The following CNTNAP2 variants were observed in gnomAD, a reference collection of about 807,000 sequenced individuals.
The protein encoded by CNTNAP2 is contactin-associated protein-like 2.
In CNTNAP2, 98 loss-of-function variants were observed where a neutral mutation model predicts 155.2. That is an observed-to-expected ratio of 0.63 (90% CI 0.54 to 0.75). The LOEUF is 0.75. Ranked by LOEUF, CNTNAP2 falls within the 30% of genes least tolerant of loss-of-function variation. The pLI, the probability that CNTNAP2 is intolerant of heterozygous loss-of-function variation, is 0.00. For missense variants in CNTNAP2, 1,727 were observed against 1,688.1 expected (o/e 1.02, Z -0.40); for synonymous variants, 651 against 631.2 (o/e 1.03, Z -0.47).
intron 13 of CNTNAP2, among the ~76,000 whole-genome samples, chr7:147,883,520 A>T (rs1799556507): frequency 6.6e-6 from 1 of 152,224 alleles, no homozygotes; most frequent in African/African-American, 2.4e-5. Context: ...CAGATTCTGC[A>T]AATGTATGTT....
At chr7:146,323,649 T>C (rs6464748) in intron 1 of CNTNAP2, among the ~76,000 whole-genome samples, 18,555 of 152,052 alleles carry the variant, frequency 0.12, 3,345 homozygotes, top group African/African-American at 0.39. Context: ...CCATAAATAA[T>C]ATTGTTCAGG....
At chr7:147,110,730 AT>A (rs1800859263) in intron 5 of CNTNAP2, among the ~76,000 whole-genome samples, 1 of 152,208 alleles carries the variant, frequency 6.6e-6, no homozygotes, top group Non-Finnish European at 1.5e-5. Context: ...GCTGCGTAGT[AT>A]TCCATGGTGT....
At chr7:148,263,693 T>C (rs916296690) in intron 20 of CNTNAP2, among the ~76,000 whole-genome samples, 9 of 147,752 alleles carry the variant, frequency 6.1e-5, no homozygotes, top group Admixed American at 3.4e-4. Context: ...ACCGAGATGG[T>C]GCCTCTGCAC....
chr7:147,978,247 T>G, intron 15 of CNTNAP2: 1 of 492,730 alleles, frequency 2.0e-6, no homozygotes, highest in South Asian at 2.0e-5. Context: ...CCTAAGTTTA[T>G]GATGATATTA....
chr7:148,380,937 T>C (rs1637850), intron 21 of CNTNAP2, among the ~76,000 whole-genome samples: 108,712 of 152,046 alleles, frequency 0.71, 40,016 homozygotes, highest in Admixed American at 0.8. Context: ...AGCACGCATG[T>C]GAATGAGGCA....
intron 21 of CNTNAP2, among the ~76,000 whole-genome samples, chr7:148,361,135 G>A (rs79250169): frequency 0.09 from 13,770 of 152,156 alleles, 826 homozygotes; most frequent in Non-Finnish European, 0.13. Context: ...TCTATATCGG[G>A]TCTCATCTTG....
At chr7:147,286,676 T>C (rs1384792952) in intron 8 of CNTNAP2, among the ~76,000 whole-genome samples, 1 of 152,140 alleles carries the variant, frequency 6.6e-6, no homozygotes, top group Non-Finnish European at 1.5e-5. Flanking sequence ...AATGAGTTTT[T>C]CTTGGATCAG....
intron 1 of CNTNAP2, among the ~76,000 whole-genome samples, chr7:146,702,148 A>G (rs1350123809): frequency 6.6e-6 from 1 of 152,188 alleles, no homozygotes; most frequent in Non-Finnish European, 1.5e-5. Context: ...TAGGGACAGC[A>G]CTAAAGTTGG....
chr7:148,331,278 G>C (rs1401417722), intron 21 of CNTNAP2, among the ~76,000 whole-genome samples: 6 of 150,564 alleles, frequency 4.0e-5, no homozygotes, highest in African/African-American at 1.5e-4. Context: ...GGAGTGGACG[G>C]ATGGAGTGGA....
At chr7:148,336,451 A>AC (rs942720836) in intron 21 of CNTNAP2, among the ~76,000 whole-genome samples, 1 of 151,364 alleles carries the variant, frequency 6.6e-6, no homozygotes, top group African/African-American at 2.4e-5. Context: ...TTAAAAAAAA[A>AC]AAGTTTCGGT....
At chr7:147,469,922 G>T (rs547449513) in intron 10 of CNTNAP2, among the ~76,000 whole-genome samples, 11 of 152,286 alleles carry the variant, frequency 7.2e-5, no homozygotes, top group African/African-American at 2.6e-4. Context: ...TTTTGTGGGA[G>T]AAAAGCATTC....
At chr7:147,874,097 G>A (rs1468259129) in intron 13 of CNTNAP2, among the ~76,000 whole-genome samples, 2 of 152,140 alleles carry the variant, frequency 1.3e-5, no homozygotes, top group Non-Finnish European at 2.9e-5. Flanking sequence ...TGCTTTCATG[G>A]GCTGGCGTTG....
chr7:148,342,395 A>C (rs148906898), intron 21 of CNTNAP2, among the ~76,000 whole-genome samples: 18 of 152,330 alleles, frequency 1.2e-4, no homozygotes, highest in Admixed American at 3.3e-4. Flanking sequence ...AAAATGCCTT[A>C]ATATTTAGTA....
At chr7:147,644,472 A>G (rs1348870647) in intron 13 of CNTNAP2, among the ~76,000 whole-genome samples, 1 of 152,046 alleles carries the variant, frequency 6.6e-6, no homozygotes, top group African/African-American at 2.4e-5. Flanking sequence ...AATACAGAAA[A>G]TTAGCTGGGT....
At chr7:146,824,229 T>C (rs1803354817) in intron 2 of CNTNAP2, among the ~76,000 whole-genome samples, 1 of 152,246 alleles carries the variant, frequency 6.6e-6, no homozygotes, top group South Asian at 2.1e-4. Context: ...TTCTTTTTTA[T>C]GGCTGCATAG....
At chr7:147,902,778 T>TTG (rs564991239) in intron 13 of CNTNAP2, among the ~76,000 whole-genome samples, 3,431 of 136,676 alleles carry the variant, frequency 0.025, 91 homozygotes, top group African/African-American at 0.064. Flanking sequence ...TCATATATGT[T>TTG]TGTGTGTGTG....
At chr7:146,851,474 G>T (rs1353041833) in intron 3 of CNTNAP2, among the ~76,000 whole-genome samples, 1 of 152,004 alleles carries the variant, frequency 6.6e-6, no homozygotes, top group East Asian at 1.9e-4. Context: ...AAACTGGGTG[G>T]CTCAAACAAC....
intron 13 of CNTNAP2, among the ~76,000 whole-genome samples, chr7:147,773,572 A>T (rs1797509857): frequency 6.6e-6 from 1 of 152,190 alleles, no homozygotes; most frequent in Admixed American, 6.6e-5. Flanking sequence ...ACAACAACTA[A>T]TTCTGCTCTC....
chr7:148,025,802 A>G (rs1329794961), intron 15 of CNTNAP2, among the ~76,000 whole-genome samples: 1 of 152,258 alleles, frequency 6.6e-6, no homozygotes, highest in African/African-American at 2.4e-5. Context: ...CTTAAGCCTA[A>G]TGAATGAAAA....
Sources: allele counts gnomAD v4.1 joint callset (sites outside exome capture counted in the v4.1 genomes callset), GRCh38; gene constraint gnomAD v4.1.1; transcripts MANE v1.5; gene names NCBI Gene and HGNC (gene_info 2026-07-23, HGNC 2026-07-21).